SAV1: variants seen among roughly 807,000 people sequenced by gnomAD.
SAV1 encodes salvador family WW domain containing protein 1.
SAV1 carries 23 observed loss-of-function variants against 47.3 expected under a neutral mutation model. The observed-to-expected ratio is 0.49, with a 90% confidence interval of 0.35 to 0.69. SAV1 has a LOEUF of 0.69. Among genes scored for constraint, SAV1 ranks in the 30% least tolerant of loss-of-function variants. The pLI is 0.01. For synonymous variants in SAV1, 155 were observed against 159.2 expected (o/e 0.97, Z 0.20); for missense variants, 448 against 457.4 (o/e 0.98, Z 0.19).
rs116419030 is a variant in SAV1 at position 50,635,465 on chromosome 14, A to G, written c.951-81T>C. On this transcript the variant is annotated intron_variant, in intron 4 of 4. Coordinates refer to ENST00000324679, the MANE Select transcript of SAV1 (RefSeq NM_021818.4). ...CTAGCAAGAAACTAGTCTGTTTTTT[A>G]AAATGTCAACTTTATTTATAACTAA... The G allele has an allele frequency of 2.7e-3, 2,974 of 1,099,640 alleles. 56 individuals are homozygous for G. In the African/African-American group the frequency reaches 0.042, roughly 16 times the overall value. The allele number at this position is 1,099,640 out of a possible 1,614,324, so 68.1% of individuals were successfully genotyped here.
Position 50,640,766 on chromosome 14 carries a change from C to G in SAV1, c.934G>C (p.Ala312Pro). ...AEIPDWLQVY[A>P]RAPVKYDHIL... is the part of the protein sequence containing the mutation. The stretch of plus-strand genomic sequence containing the variant: ...TGTACTTACTTCACAGGGGCTCGTG[C>G]GTAAACCTGAAGCCAGTCAGGAATT... The change falls in exon 4 of 5, where the codon GCA becomes CCA. Residue 312 changes from alanine (A) to proline (P), a missense_variant. Ala to Pro is a conservative substitution (Grantham distance 27). Transcript: ENST00000324679. 1 of 1,612,786 alleles carries G rather than the reference C, an allele frequency of 6.2e-7. No homozygotes were observed. Among genetic ancestry groups the G allele is most frequent in the Non-Finnish European group, 8.5e-7 (1 of 1,179,340 alleles).
At chr14:50,649,467 T>A (rs1416994815) in intron 2 of SAV1, among the ~76,000 whole-genome samples, 1 of 152,220 alleles carries the variant, frequency 6.6e-6, no homozygotes, top group Non-Finnish European at 1.5e-5. Flanking sequence ...GTGGAGGAGA[T>A]ACACACATCA....
At chr14:50,651,959 CG>C (rs1267552150) in intron 2 of SAV1, among the ~76,000 whole-genome samples, 1 of 152,088 alleles carries the variant, frequency 6.6e-6, no homozygotes, top group Non-Finnish European at 1.5e-5. Flanking sequence ...ACTTCCTCAT[CG>C]GGAAATATCC....
intron 4 of SAV1, among the ~76,000 whole-genome samples, chr14:50,639,316 G>T (rs1160290848): frequency 6.6e-6 from 1 of 151,920 alleles, no homozygotes; most frequent in Non-Finnish European, 1.5e-5. Context: ...ACAAAAGGAA[G>T]AAACATGCAA....
Position 50,665,228 on chromosome 14 carries a change from G to A in SAV1, c.486C>T (p.Asn162=), listed in dbSNP as rs766597662. The A allele has an allele frequency of 4.4e-6, 7 of 1,608,918 alleles. No homozygotes were observed. The highest frequency in any genetic ancestry group is 5.9e-6 in the Non-Finnish European group (7 of 1,178,594). The part of the protein sequence containing the change: ...AHEDYRYYEY[N]HDLFQRMPQN... ...GTGGCATTCTTTGGAAGAGATCATG[G>A]TTGTATTCATAATATCTGTAGTCTT... The change falls in exon 2 of 5, where the codon AAC becomes AAT. Residue 162 remains asparagine, a synonymous_variant. Transcript: ENST00000324679.
chr14:50,646,435 G>A (rs993463260), intron 2 of SAV1, among the ~76,000 whole-genome samples: 7 of 152,052 alleles, frequency 4.6e-5, no homozygotes, highest in Non-Finnish European at 7.4e-5. Flanking sequence ...CCTGTAATCC[G>A]AGCACTTTGG....
intron 4 of SAV1, among the ~76,000 whole-genome samples, chr14:50,640,301 T>C (rs2039670895): frequency 1.3e-5 from 2 of 152,098 alleles, no homozygotes; most frequent in Admixed American, 1.3e-4. Context: ...AATTTTTCTG[T>C]GGAAATGGGG....
At chr14:50,658,053 C>G (rs1234779860) in intron 2 of SAV1, among the ~76,000 whole-genome samples, 1 of 152,130 alleles carries the variant, frequency 6.6e-6, no homozygotes, top group East Asian at 1.9e-4. Context: ...GTGTTATAAT[C>G]AAGATGTTGA....
chr14:50,647,103 T>C (rs1277251675), intron 2 of SAV1, among the ~76,000 whole-genome samples: 3 of 152,138 alleles, frequency 2.0e-5, no homozygotes, highest in African/African-American at 4.8e-5. Flanking sequence ...TAACTAAAAA[T>C]AGATCATATA....
intron 2 of SAV1, chr14:50,662,784 G>C (rs776759181): frequency 7.2e-5 from 11 of 152,188 alleles, no homozygotes; most frequent in Non-Finnish European, 1.2e-4. Context: ...AAAGGTGAAC[G>C]CAAAGAATAA....
At chr14:50,637,677 T>G (rs1488621737) in intron 4 of SAV1, 2 of 150,166 alleles carry the variant, frequency 1.3e-5, no homozygotes, top group African/African-American at 4.9e-5. Context: ...TTTTTTTTTT[T>G]TTTTTTTTTT....
At position 50,664,994 on chromosome 14, in the gene SAV1, A is replaced by G. The variant is rs1296204407; in HGVS notation, c.535+185T>C. Reference sequence around the variant, plus strand: ...ATGAGTTAATAAAATAAATGGTCACAAGGACTCTTCCATTCAGTGTAGATT... The same window carrying G: ...ATGAGTTAATAAAATAAATGGTCACGAGGACTCTTCCATTCAGTGTAGATT... On this transcript the variant is annotated intron_variant, in intron 2 of 4. Transcript: ENST00000324679. 4.6e-6 allele frequency: 3 copies of G among 657,688 alleles called. No homozygotes were observed. In the African/African-American group the frequency reaches 5.7e-5, roughly 12 times the overall value. The allele number at this position is 657,688 out of a possible 1,614,324, so 40.7% of individuals were successfully genotyped here.
rs1038187796 is a variant in SAV1 at position 50,646,546 on chromosome 14, C to T, written c.536-1532G>A. The stretch of plus-strand genomic sequence containing the variant: ...ATTAAAAACACAAAAATTAGCCGGG[C>T]GTGGTGGCGGACGCCTGTAATCCCA... On this transcript the variant is annotated intron_variant, in intron 2 of 4. Coordinates refer to ENST00000324679, the MANE Select transcript of SAV1 (RefSeq NM_021818.4). 4.6e-5 allele frequency among the ~76,000 whole-genome samples: 7 copies of T among 151,980 alleles called. No individual in the cohort carries two copies. In the East Asian group the frequency reaches 7.7e-4, roughly 17 times the overall value.
rs113195144 is a variant in SAV1, at chr14:50,660,409, T to A, written c.535+4770A>T. Among the ~76,000 whole-genome samples the A allele has an allele frequency of 2.0e-5, 3 of 152,354 alleles. 1 individual carries two copies. The highest frequency in any genetic ancestry group is 7.2e-5 in the African/African-American group (3 of 41,570). On this transcript the variant is annotated intron_variant, in intron 2 of 4. Coordinates refer to ENST00000324679, the MANE Select transcript of SAV1 (RefSeq NM_021818.4). ...ATTAAACTCTTTCTTCTTTACAGTA[T>A]CTGCTGTCTCAGTGTTCTGCTCTAT...
chr14:50,638,053 T>C (rs904816557), intron 4 of SAV1: 2 of 152,160 alleles, frequency 1.3e-5, no homozygotes, highest in African/African-American at 4.8e-5. Context: ...AAAATCAGAT[T>C]AGAGAAAATC....
At chr14:50,657,076 G>C (rs1436642473) in intron 2 of SAV1, among the ~76,000 whole-genome samples, 1 of 148,292 alleles carries the variant, frequency 6.7e-6, no homozygotes, top group African/African-American at 2.5e-5. Context: ...GCCCATGCTG[G>C]AGGGCAGTGG....
intron 2 of SAV1, among the ~76,000 whole-genome samples, chr14:50,658,706 C>G (rs542458922): frequency 2.0e-5 from 3 of 152,300 alleles, no homozygotes; most frequent in Admixed American, 2.0e-4. Flanking sequence ...GAAAATAGAT[C>G]TATCGCACAA....
intron 2 of SAV1, among the ~76,000 whole-genome samples, chr14:50,658,202 G>A (rs1405331862): frequency 2.0e-5 from 3 of 152,232 alleles, no homozygotes; most frequent in Non-Finnish European, 4.4e-5. Flanking sequence ...CACATTACCC[G>A]AGTAACTGCA....
rs2039923190 is a variant in SAV1, at chr14:50,668,258, AGGG to A, written c.-294_-292del. On this transcript the variant is annotated 5_prime_UTR_variant, in exon 1 of 5. Transcript: ENST00000324679. Reference sequence around the variant, plus strand: ...GAGGAAAGCCCAGCGACGCCGGGCCAGGGCCAGGGCCATGGTCCGCCGCGGGCC... The same window carrying A: ...GAGGAAAGCCCAGCGACGCCGGGCCACCAGGGCCATGGTCCGCCGCGGGCC... 2 of 13,016 alleles carry A rather than the reference AGGG, an allele frequency of 1.5e-4. No individual in the cohort carries two copies. The highest frequency in any genetic ancestry group is 2.5e-4 in the Non-Finnish European group (2 of 8,044). 0.8% of individuals were successfully genotyped at this position (13,016 alleles called of 1,614,324 possible).
Sources: allele counts gnomAD v4.1 joint callset (sites outside exome capture counted in the v4.1 genomes callset), GRCh38; gene constraint gnomAD v4.1.1; transcripts MANE v1.5; gene names NCBI Gene and HGNC (gene_info 2026-07-23, HGNC 2026-07-21).